Variants in CBL observed in about 807,000 individuals in gnomAD.
CBL encodes E3 ubiquitin-protein ligase CBL.
A neutral mutation model predicts 96.9 loss-of-function variants in CBL; 45 were observed. The ratio of observed to expected loss-of-function variants is 0.46; its 90% CI spans 0.37 to 0.60. The LOEUF (loss-of-function observed/expected upper bound fraction) is 0.60, where lower values mean the gene tolerates loss of function less well. Ranked by LOEUF, CBL falls within the 20% of genes least tolerant of loss-of-function variation. The probability of loss-of-function intolerance (pLI) is 0.00; values close to 1 mark genes in which losing one functional copy is unlikely to be tolerated. For missense variants in CBL, 1,024 were observed against 1,143.5 expected (o/e 0.90, Z 1.51); for synonymous variants, 420 against 426.8 (o/e 0.98, Z 0.20).
chr11:119,293,018 T>C (rs1950039515), intron 12 of CBL, among the ~76,000 whole-genome samples: 1 of 152,214 alleles, frequency 6.6e-6, no homozygotes, highest in Non-Finnish European at 1.5e-5. Flanking sequence ...CATTGTAAAG[T>C]TGAAAAATTG....
intron 2 of CBL, among the ~76,000 whole-genome samples, chr11:119,246,975 G>A (rs767810669): frequency 6.6e-6 from 1 of 152,144 alleles, no homozygotes; most frequent in Non-Finnish European, 1.5e-5. Flanking sequence ...AATCTCATTA[G>A]AAAAGTTTGG....
chr11:119,273,667 G>A (rs1432707461), intron 3 of CBL, among the ~76,000 whole-genome samples: 1 of 152,178 alleles, frequency 6.6e-6, no homozygotes, highest in African/African-American at 2.4e-5. Flanking sequence ...CTCTCAAAGT[G>A]CTGGGCCTCC....
intron 2 of CBL, among the ~76,000 whole-genome samples, chr11:119,258,101 G>A (rs1470382908): frequency 6.6e-6 from 1 of 152,142 alleles, no homozygotes. Flanking sequence ...GGTTGTGCAC[G>A]CTTGTAATCC....
intron 1 of CBL, among the ~76,000 whole-genome samples, chr11:119,220,587 A>G (rs1423928874): frequency 6.6e-6 from 1 of 152,206 alleles, no homozygotes; most frequent in East Asian, 1.9e-4. Context: ...CGACAGAGTG[A>G]GACCCTGTTT....
intron 1 of CBL, among the ~76,000 whole-genome samples, chr11:119,224,691 A>G (rs898618231): frequency 3.3e-5 from 5 of 150,940 alleles, no homozygotes; most frequent in Non-Finnish European, 7.4e-5. Flanking sequence ...CCCGGGTTCA[A>G]GCGATTCTCC....
At chr11:119,264,508 GTC>G (rs1452824042) in intron 2 of CBL, among the ~76,000 whole-genome samples, 1 of 145,976 alleles carries the variant, frequency 6.9e-6, no homozygotes, top group Non-Finnish European at 1.5e-5. Context: ...TTGAGACAGG[GTC>G]TGTCTCTGTT....
intron 2 of CBL, among the ~76,000 whole-genome samples, chr11:119,237,228 A>G (rs1306970587): frequency 6.6e-6 from 1 of 152,226 alleles, no homozygotes; most frequent in African/African-American, 2.4e-5. Flanking sequence ...CTTTGGAGAA[A>G]CATCTATTCA....
At chr11:119,264,443 T>TTCTCTTCTC (rs1565868378) in intron 2 of CBL, among the ~76,000 whole-genome samples, 10 of 25,114 alleles carry the variant, frequency 4.0e-4, no homozygotes, top group East Asian at 2.2e-3. Context: ...CTTCTCTTCT[T>TTCTCTTCTC]TCTCTTCTCT....
chr11:119,302,299 G>A lies in CBL; in HGVS notation c.*2518G>A, dbSNP rs889161679. The A allele has an allele frequency of 3.0e-5, 7 of 232,672 alleles. No individual in the cohort carries two copies. The highest frequency in any genetic ancestry group is 1.5e-4 in the African/African-American group (7 of 45,336). The allele number at this position is 232,672 out of a possible 1,614,324, so 14.4% of individuals were successfully genotyped here. Reference sequence around the variant, plus strand: ...GTCTGTGCCTGAGATTGCCAGGCAAGATTAAGGAAAGTTTTCATGTGGCTT... The same window carrying A: ...GTCTGTGCCTGAGATTGCCAGGCAAAATTAAGGAAAGTTTTCATGTGGCTT... On this transcript the variant is annotated 3_prime_UTR_variant, in exon 16 of 16. Transcript: ENST00000264033.
intron 3 of CBL, among the ~76,000 whole-genome samples, chr11:119,272,158 G>C (rs1322598504): frequency 6.6e-6 from 1 of 152,188 alleles, no homozygotes; most frequent in Non-Finnish European, 1.5e-5. Context: ...GTCTTGCTCT[G>C]TTGCCCAGGC....
At chr11:119,297,590 T>C in intron 14 of CBL, 109 bp downstream of exon 14, 1 of 817,024 alleles carries the variant, frequency 1.2e-6, no homozygotes, top group South Asian at 1.4e-5. Context: ...CTTCTGTAGC[T>C]GGGACTACAG....
chr11:119,250,874 T>A (rs933841828), intron 2 of CBL, among the ~76,000 whole-genome samples: 7 of 152,104 alleles, frequency 4.6e-5, no homozygotes, highest in Non-Finnish European at 1.0e-4. Context: ...TCACTTGAAC[T>A]TGGGAGGCAA....
intron 2 of CBL, among the ~76,000 whole-genome samples, chr11:119,256,416 G>A (rs981790406): frequency 1.3e-5 from 2 of 151,980 alleles, no homozygotes; most frequent in Non-Finnish European, 2.9e-5. Context: ...CCTGACCTCA[G>A]GTGATCCACC....
At chr11:119,236,303 T>C (rs1949545566) in intron 2 of CBL, among the ~76,000 whole-genome samples, 1 of 152,106 alleles carries the variant, frequency 6.6e-6, no homozygotes, top group Non-Finnish European at 1.5e-5. Context: ...CTCTGGACGT[T>C]TCGTGTTAAG....
At chr11:119,249,551 CA>C (rs11378996) in intron 2 of CBL, among the ~76,000 whole-genome samples, 125 of 116,166 alleles carry the variant, frequency 1.1e-3, no homozygotes, top group Admixed American at 1.5e-3. Flanking sequence ...GACTCGGTCT[CA>C]AAAAAAAAAA....
At chr11:119,291,690 A>G (rs1030678824) in intron 12 of CBL, among the ~76,000 whole-genome samples, 1 of 152,218 alleles carries the variant, frequency 6.6e-6, no homozygotes, top group African/African-American at 2.4e-5. Flanking sequence ...CGTGGGCAAC[A>G]CAGTGAGACC....
chr11:119,217,229 T>G (rs530383511), intron 1 of CBL, among the ~76,000 whole-genome samples: 4 of 152,144 alleles, frequency 2.6e-5, no homozygotes, highest in Non-Finnish European at 5.9e-5. Flanking sequence ...GCAATTCTCC[T>G]GCTCAGCCTC....
In CBL at chr11:119,305,069, A is replaced by G; in HGVS notation, c.*5288A>G. 1 of 218,954 alleles carries G rather than the reference A, an allele frequency of 4.6e-6. No homozygotes were observed. The highest frequency in any genetic ancestry group is 9.2e-6 in the Non-Finnish European group (1 of 108,914). The allele number at this position is 218,954 out of a possible 1,614,324, so 13.6% of individuals were successfully genotyped here. ...CAGGGAGCTTCTCAGAGAAGTGAGC[A>G]GAGACTCCACAGACACCCTAAAAAG... On this transcript the variant is annotated 3_prime_UTR_variant, in exon 16 of 16. Coordinates refer to ENST00000264033, the MANE Select transcript of CBL (RefSeq NM_005188.4).
intron 7 of CBL, 118 bp downstream of exon 7, chr11:119,277,962 G>C (rs1023404797): frequency 3.3e-5 from 29 of 880,422 alleles, no homozygotes; most frequent in Non-Finnish European, 5.1e-5. Context: ...GTGAATTTGT[G>C]TGTATGTGGT....
Sources: allele counts gnomAD v4.1 joint callset (sites outside exome capture counted in the v4.1 genomes callset), GRCh38; gene constraint gnomAD v4.1.1; transcripts MANE v1.5; gene names NCBI Gene and HGNC (gene_info 2026-07-23, HGNC 2026-07-21).